The following BSN variants were observed in gnomAD, a reference collection of about 807,000 sequenced individuals.
The protein encoded by BSN is protein bassoon.
BSN carries 57 observed loss-of-function variants against 264.8 expected under a neutral mutation model. The ratio of observed to expected loss-of-function variants is 0.22; its 90% CI spans 0.17 to 0.27. The LOEUF (loss-of-function observed/expected upper bound fraction) is 0.27, where lower values mean the gene tolerates loss of function less well. BSN is among the 10% of genes least tolerant of loss of function. The pLI, the probability that BSN is intolerant of heterozygous loss-of-function variation, is 1.00. For missense variants in BSN, 4,615 were observed against 5,232.5 expected (o/e 0.88, Z 3.64); for synonymous variants, 2,059 against 2,137.3 (o/e 0.96, Z 1.01).
At position 49,596,058 on chromosome 3, in the gene BSN, C is replaced by G. The variant is rs182684419; in HGVS notation, c.225-28917C>G. On this transcript the variant is annotated intron_variant, in intron 1 of 11. Transcript: ENST00000296452. ...TTGAATAACAATAGTGAGAGTATAT[C>G]TTTGCATCGTACACAGTTTTATGGG... 2.7e-3 allele frequency among the ~76,000 whole-genome samples: 418 copies of G among 152,160 alleles called. 3 individuals carry two copies. The highest frequency in any genetic ancestry group is 9.3e-3 in the African/African-American group (387 of 41,518).
chr3:49,664,874 C>T lies in BSN; in HGVS notation c.*14+21C>T, dbSNP rs903171365. 1.9e-6 allele frequency: 3 copies of T among 1,593,430 alleles called. No individual in the cohort carries two copies. The African/African-American group carries it at 4.0e-5, about 21-fold the overall frequency. On this transcript the variant is annotated intron_variant, in intron 10 of 11. Transcript: ENST00000296452. ...GCATGGTGAGTACAAGCAGCCTGTA[C>T]CTTGCCTCTTCTGGGAAAGGCCCGA...
chr3:49,633,780 A>C (rs776768301), intron 2 of BSN, among the ~76,000 whole-genome samples: 1 of 152,242 alleles, frequency 6.6e-6, no homozygotes, highest in Non-Finnish European at 1.5e-5. Flanking sequence ...AATCTGACAC[A>C]TGATACAACA....
chr3:49,626,971 A>C (rs571679484), intron 2 of BSN, among the ~76,000 whole-genome samples: 1 of 152,226 alleles, frequency 6.6e-6, no homozygotes, highest in African/African-American at 2.4e-5. Context: ...TGTGCCTGGA[A>C]AAACAGCAGA....
chr3:49,628,291 A>T (rs1026849102), intron 2 of BSN, among the ~76,000 whole-genome samples: 15 of 152,126 alleles, frequency 9.9e-5, no homozygotes, highest in Non-Finnish European at 2.1e-4. Flanking sequence ...CATGAGGACA[A>T]ATGCACAGAA....
chr3:49,620,727 G>A (rs1281629738), intron 1 of BSN, among the ~76,000 whole-genome samples: 1 of 152,206 alleles, frequency 6.6e-6, no homozygotes, highest in South Asian at 2.1e-4. Context: ...GGTGGCTCAT[G>A]CCTGTAATCC....
At position 49,624,300 on chromosome 3, in the gene BSN, C is replaced by CTTTTTTTTTTTTTTTTT. The variant is rs71080542; in HGVS notation, c.225-674_225-658dup. On this transcript the variant is annotated intron_variant, in intron 1 of 11. Coordinates refer to ENST00000296452, the MANE Select transcript of BSN (RefSeq NM_003458.4). ...CCAGGCGTGAGCCAACGTGCCCAGCCTTTTTTTTTTTTTTTTTAGACAGGG... is the reference window on the plus strand; with the variant it reads ...CCAGGCGTGAGCCAACGTGCCCAGCCTTTTTTTTTTTTTTTTTTTTTTTTTTTTTTTTTTAGACAGGG... Among the ~76,000 whole-genome samples, 12 of 67,190 alleles carry CTTTTTTTTTTTTTTTTT rather than the reference C, an allele frequency of 1.8e-4. 2 individuals are homozygous for CTTTTTTTTTTTTTTTTT. The highest frequency in any genetic ancestry group is 4.8e-4 in the Admixed American group (2 of 4,156). The allele number at this position is 67,190 out of a possible 152,430, so 44.1% of individuals were successfully genotyped here.
intron 1 of BSN, among the ~76,000 whole-genome samples, chr3:49,606,475 T>G (rs1316479611): frequency 1.3e-5 from 2 of 150,654 alleles, no homozygotes; most frequent in East Asian, 3.9e-4. Context: ...CCTATTTGTC[T>G]TCTTGATCTT....
chr3:49,613,309 A>C (rs987460402), intron 1 of BSN, among the ~76,000 whole-genome samples: 1 of 128,630 alleles, frequency 7.8e-6, no homozygotes, highest in African/African-American at 3.1e-5. Context: ...AGAGCGAGAG[A>C]GAGAGAGAGA....
intron 1 of BSN, among the ~76,000 whole-genome samples, chr3:49,584,850 T>C (rs2051922682): frequency 6.6e-6 from 1 of 152,214 alleles, no homozygotes; most frequent in Non-Finnish European, 1.5e-5. Flanking sequence ...TTCAATTGTT[T>C]TGATTTTCAG....
chr3:49,572,140 G>T (rs1019376605), intron 1 of BSN, among the ~76,000 whole-genome samples: 7 of 152,152 alleles, frequency 4.6e-5, no homozygotes, highest in Admixed American at 1.3e-4. Context: ...TTGACCATTG[G>T]ACTTGTAGGA....
At chr3:49,621,484 G>A (rs934404582) in intron 1 of BSN, among the ~76,000 whole-genome samples, 8 of 152,264 alleles carry the variant, frequency 5.3e-5, no homozygotes, top group Admixed American at 3.9e-4. Context: ...TGGTATTCCC[G>A]AAGGCAAATA....
Position 49,663,527 on chromosome 3 carries a change from C to T in BSN, c.11369C>T (p.Pro3790Leu), listed in dbSNP as rs779034187. 1.9e-6 allele frequency: 3 copies of T among 1,612,604 alleles called. No individual in the cohort carries two copies. Among genetic ancestry groups the T allele is most frequent in the Admixed American group, 1.7e-5 (1 of 59,968 alleles). Reference sequence around the variant, plus strand: ...CAGCAAGGTCTTGGGCTGCAGCCCCCACAGCAGGCTCTGACACAGGCTCGG... The same window carrying T: ...CAGCAAGGTCTTGGGCTGCAGCCCCTACAGCAGGCTCTGACACAGGCTCGG... The part of the protein sequence containing the change: ...QQQQGLGLQP[P>L]QQALTQARLQ... The change falls in exon 7 of 12, where the codon CCA becomes CTA. Residue 3790 changes from proline to leucine, a missense_variant. This residue lies in a region of BSN where 3,415 missense variants were observed against 3,866.4 expected (regional missense o/e 0.88). Transcript: ENST00000296452.
At chr3:49,568,054 C>T (rs1485748275) in intron 1 of BSN, among the ~76,000 whole-genome samples, 2 of 152,142 alleles carry the variant, frequency 1.3e-5, no homozygotes, top group Non-Finnish European at 2.9e-5. Flanking sequence ...ACCGTACTGA[C>T]TTTTATGATT....
chr3:49,672,121 T>A (rs1264909738), downstream of BSN, among the ~76,000 whole-genome samples: 2 of 151,066 alleles, frequency 1.3e-5, no homozygotes, highest in Admixed American at 6.6e-5. Flanking sequence ...ATGCGTGTCC[T>A]TCTTTCCTGT....
intron 1 of BSN, among the ~76,000 whole-genome samples, chr3:49,617,948 A>G (rs2052274416): frequency 6.6e-6 from 1 of 152,164 alleles, no homozygotes. Flanking sequence ...TCACATACGT[A>G]GACTCATCAT....
At chr3:49,610,215 C>G (rs1260638620) in intron 1 of BSN, among the ~76,000 whole-genome samples, 3 of 152,186 alleles carry the variant, frequency 2.0e-5, no homozygotes, top group Non-Finnish European at 2.9e-5. Context: ...AGTTCCCATG[C>G]TTTTGTATGT....
chr3:49,642,892 A>C lies in BSN; in HGVS notation c.1258A>C (p.Met420Leu), dbSNP rs573286657. ...AGCCAAAACTGAGCCTGGGGCTAGA[A>C]TGGGTCCTGGATCTGGACCTGGAGC... ...PGAKTEPGAR[M>L]GPGSGPGALP... Residue 420 changes from methionine to leucine, a missense_variant, in exon 3 of 12, where the codon ATG becomes CTG. By Grantham distance (15) the Met-to-Leu change is conservative. This residue lies in a region of BSN where 1,197 missense variants were observed against 1,348.0 expected (regional missense o/e 0.89). Transcript: ENST00000296452. The surrounding 1 kb of genome is among the most constrained non-coding windows in gnomAD (Gnocchi z 7.0). The C allele has an allele frequency of 1.2e-6, 2 of 1,613,838 alleles. No individual in the cohort carries two copies. Among genetic ancestry groups the C allele is most frequent in the African/African-American group, 2.7e-5 (2 of 74,982 alleles).
At chr3:49,608,090 A>G (rs1223842954) in intron 1 of BSN, among the ~76,000 whole-genome samples, 2 of 152,204 alleles carry the variant, frequency 1.3e-5, no homozygotes, top group East Asian at 1.9e-4. Flanking sequence ...AATCTCCCCA[A>G]GTGGCCAATA....
chr3:49,605,931 CTATT>C lies in BSN; in HGVS notation c.225-19040_225-19037del, dbSNP rs1559603252. 7.3e-3 allele frequency among the ~76,000 whole-genome samples: 54 copies of C among 7,444 alleles called. 1 individual carries two copies. In the East Asian group the frequency reaches 0.48, roughly 66 times the overall value. The allele number at this position is 7,444 out of a possible 152,430, so 4.9% of individuals were successfully genotyped here. ...AAATAGATATAAATAGATATAAAAT[CTATT>C]TATATATAAATATATATAAATATAT... On this transcript the variant is annotated intron_variant, in intron 1 of 11. Transcript: ENST00000296452.
Sources: gnomAD v4.1 joint callset for allele counts (sites outside exome capture counted in the v4.1 genomes callset) on GRCh38, gnomAD v4.1.1 for gene constraint, gnomAD v4.1.1 regional missense constraint, Gnocchi (gnomAD v3.1) non-coding constraint, MANE v1.5 for transcripts, NCBI Gene and HGNC (gene_info 2026-07-23, HGNC 2026-07-21) for gene names.